Variants in KMT2C observed in about 807,000 individuals in gnomAD.
KMT2C encodes lysine methyltransferase 2C.
Under a neutral mutation model 507.9 loss-of-function variants are expected in KMT2C, and 88 were observed. The observed-to-expected ratio is 0.17, with a 90% CI of 0.15 to 0.21. KMT2C has a LOEUF of 0.21. KMT2C is among the 10% of genes least tolerant of loss of function. The pLI is 1.00. For synonymous variants in KMT2C, 2,049 were observed against 2,080.8 expected (o/e 0.98, Z 0.42); for missense variants, 4,954 against 5,957.8 (o/e 0.83, Z 5.55).
Position 152,274,548 on chromosome 7 carries a change from A to G in KMT2C, c.850-681T>C, listed in dbSNP as rs569413228. 3.6e-3 allele frequency among the ~76,000 whole-genome samples: 551 copies of G among 152,378 alleles called. 3 individuals carry two copies. Among genetic ancestry groups the G allele is most frequent in the African/African-American group, 0.013 (530 of 41,600 alleles). ...CAAACAAGAGGGGCAGTCTAGGGCA[A>G]GTGAACACATAAGAAGTCAGAAGAA... On this transcript the variant is annotated intron_variant, in intron 6 of 58. Coordinates refer to ENST00000262189, the MANE Select transcript of KMT2C (RefSeq NM_170606.3).
chr7:152,290,524 G>A (rs1378234920), intron 6 of KMT2C, among the ~76,000 whole-genome samples: 1 of 150,894 alleles, frequency 6.6e-6, no homozygotes, highest in Non-Finnish European at 1.5e-5. Context: ...TGGCCATGCT[G>A]GTCTTGAGCT....
At chr7:152,423,475 G>A (rs1457677002) in intron 1 of KMT2C, among the ~76,000 whole-genome samples, 1 of 152,168 alleles carries the variant, frequency 6.6e-6, no homozygotes. Flanking sequence ...TGTGCCCTTG[G>A]ACTCCTTTCT....
At chr7:152,222,703 C>T (rs1419829920) in intron 20 of KMT2C, 21 bp from the exon 21 acceptor site, 2 of 1,424,002 alleles carry the variant, frequency 1.4e-6, no homozygotes, top group South Asian at 1.2e-5. Flanking sequence ...CATATTTGTA[C>T]ATTTTTTTTA....
chr7:152,278,241 C>G (rs2096126218), intron 6 of KMT2C, among the ~76,000 whole-genome samples: 1 of 152,006 alleles, frequency 6.6e-6, no homozygotes, highest in African/African-American at 2.4e-5. Context: ...TGCCTGCTCC[C>G]CCTTCTCCTT....
chr7:152,252,996 A>G (rs533539136), intron 9 of KMT2C, among the ~76,000 whole-genome samples: 41 of 152,108 alleles, frequency 2.7e-4, no homozygotes, highest in African/African-American at 9.9e-4. Flanking sequence ...CTGGGACTAC[A>G]GGTGTGTGCC....
At chr7:152,385,534 C>G (rs2097417428) in intron 1 of KMT2C, among the ~76,000 whole-genome samples, 1 of 109,020 alleles carries the variant, frequency 9.2e-6, no homozygotes, top group Non-Finnish European at 1.6e-5. Flanking sequence ...ATGGCGTGAA[C>G]CCGGGAGGCG....
intron 43 of KMT2C, among the ~76,000 whole-genome samples, chr7:152,161,471 C>A (rs1195185383): frequency 6.6e-6 from 1 of 152,052 alleles, no homozygotes; most frequent in African/African-American, 2.4e-5. Context: ...GACTCAAACT[C>A]CAGTTTTGGA....
intron 1 of KMT2C, among the ~76,000 whole-genome samples, chr7:152,359,092 G>A (rs938669922): frequency 6.6e-6 from 1 of 152,078 alleles, no homozygotes; most frequent in Admixed American, 6.6e-5. Context: ...CCAGATATAT[G>A]TATTTTTAAA....
At chr7:152,236,765 C>T (rs1388881470) in intron 15 of KMT2C, among the ~76,000 whole-genome samples, 1 of 152,170 alleles carries the variant, frequency 6.6e-6, no homozygotes, top group African/African-American at 2.4e-5. Context: ...GATCATAGCT[C>T]ACTGCAGCCT....
intron 58 of KMT2C, chr7:152,137,296 TG>T (rs1400358537): frequency 5.6e-6 from 1 of 178,112 alleles, no homozygotes; most frequent in Admixed American, 5.8e-5. Context: ...ATTTACTGAA[TG>T]GGGCATGCAA....
At chr7:152,215,468 C>A (rs1202643307) in intron 23 of KMT2C, among the ~76,000 whole-genome samples, 1 of 128,670 alleles carries the variant, frequency 7.8e-6, no homozygotes, top group Non-Finnish European at 1.5e-5. Flanking sequence ...GAGCAAAGAT[C>A]GTGCCACTGC....
intron 14 of KMT2C, among the ~76,000 whole-genome samples, chr7:152,243,438 G>C (rs146238167): frequency 1.5e-4 from 23 of 152,258 alleles, no homozygotes; most frequent in Non-Finnish European, 1.5e-4. Context: ...ATTTGTCCAA[G>C]AGATATCAAA....
At chr7:152,143,563 G>A (rs751454938) in intron 55 of KMT2C, among the ~76,000 whole-genome samples, 21 of 152,362 alleles carry the variant, frequency 1.4e-4, no homozygotes, top group Middle Eastern at 3.4e-3. Flanking sequence ...CACACTGTGA[G>A]ATCCTGAATC....
intron 2 of KMT2C, among the ~76,000 whole-genome samples, chr7:152,353,022 GA>G (rs941719580): frequency 1.3e-5 from 2 of 151,144 alleles, no homozygotes; most frequent in Non-Finnish European, 3.0e-5. Flanking sequence ...TGATTCTCAA[GA>G]AAAAAAAAGT....
At chr7:152,189,206 C>A (rs541143679) in intron 31 of KMT2C, among the ~76,000 whole-genome samples, 8 of 152,174 alleles carry the variant, frequency 5.3e-5, no homozygotes, top group Non-Finnish European at 7.3e-5. Context: ...TGAAAGTCTA[C>A]TTGTCTAAAC....
intron 1 of KMT2C, among the ~76,000 whole-genome samples, chr7:152,391,639 C>G (rs186072339): frequency 6.6e-6 from 1 of 151,402 alleles, no homozygotes; most frequent in South Asian, 2.1e-4. Context: ...CAGGTTCAAG[C>G]AATTCTCCTA....
intron 1 of KMT2C, among the ~76,000 whole-genome samples, chr7:152,393,825 G>C (rs1708787206): frequency 6.7e-6 from 1 of 148,162 alleles, no homozygotes; most frequent in Admixed American, 6.8e-5. Flanking sequence ...CCAGGAGGCA[G>C]AGGATGCAGT....
At chr7:152,227,348 T>C (rs2094963652) in intron 18 of KMT2C, among the ~76,000 whole-genome samples, 1 of 152,228 alleles carries the variant, frequency 6.6e-6, no homozygotes, top group Non-Finnish European at 1.5e-5. Flanking sequence ...CCATCCATGG[T>C]ACCATGTCCA....
At chr7:152,357,692 T>C (rs981324238) in intron 2 of KMT2C, among the ~76,000 whole-genome samples, 17 of 152,290 alleles carry the variant, frequency 1.1e-4, no homozygotes, top group African/African-American at 3.9e-4. Flanking sequence ...GGGTGAAATT[T>C]AGTATTCTGA....
Sources: allele counts gnomAD v4.1 joint callset (sites outside exome capture counted in the v4.1 genomes callset), GRCh38; gene constraint gnomAD v4.1.1; transcripts MANE v1.5; gene names NCBI Gene and HGNC (gene_info 2026-07-23, HGNC 2026-07-21).